The following SLC25A27 variants were observed in gnomAD, a reference collection of about 807,000 sequenced individuals.
SLC25A27 encodes solute carrier family 25 member 27.
Under a neutral mutation model 49.1 loss-of-function variants are expected in SLC25A27, and 35 were observed. The observed-to-expected ratio is 0.71, with a 90% CI of 0.54 to 0.95. The LOEUF is 0.95. SLC25A27 is among the 40% of genes least tolerant of loss of function. SLC25A27 has a pLI of 0.00. For synonymous variants in SLC25A27, 144 were observed against 136.9 expected (o/e 1.05, Z -0.36); for missense variants, 339 against 397.1 (o/e 0.85, Z 1.24).
At chr6:46,673,215 A>G (rs969374052) in intron 8 of SLC25A27, among the ~76,000 whole-genome samples, 2 of 152,240 alleles carry the variant, frequency 1.3e-5, no homozygotes, top group Admixed American at 1.3e-4. Flanking sequence ...ATCACTTGGT[A>G]TATGGCCAAC....
At chr6:46,672,003 A>G (rs1449956541) in intron 8 of SLC25A27, among the ~76,000 whole-genome samples, 1 of 152,162 alleles carries the variant, frequency 6.6e-6, no homozygotes, top group African/African-American at 2.4e-5. Context: ...TTGAGTACCT[A>G]CATCATGCAA....
chr6:46,670,998 G>A lies in SLC25A27; in HGVS notation c.798-128G>A, dbSNP rs1300148735. The A allele has an allele frequency of 3.5e-5, 21 of 600,082 alleles. No homozygotes were observed. In the East Asian group the frequency reaches 7.7e-4, roughly 22 times the overall value. 37.2% of individuals were successfully genotyped at this position (600,082 alleles called of 1,614,324 possible). A position where few individuals can be genotyped will look rare whatever the true frequency, so the allele number is the denominator to read the frequency against. ...GCCTGCCTCGGCCTCCCAAAGTGCT[G>A]GGATTACAGGCGTAAGCCACCGCGC... On this transcript the variant is annotated intron_variant, in intron 7 of 8. Transcript: ENST00000371347.
At chr6:46,666,650 C>T (rs976646369) in intron 5 of SLC25A27, among the ~76,000 whole-genome samples, 5 of 152,134 alleles carry the variant, frequency 3.3e-5, no homozygotes, top group Non-Finnish European at 7.4e-5. Context: ...CAAGTTCCAG[C>T]TATTTACTCA....
At position 46,653,082 on chromosome 6, in the gene SLC25A27, C is replaced by T. The variant is rs1762808750; in HGVS notation, c.-111C>T. 2.0e-6 allele frequency: 2 copies of T among 1,018,306 alleles called. No individual in the cohort carries two copies. Among genetic ancestry groups the T allele is most frequent in the Non-Finnish European group, 3.0e-6 (2 of 674,160 alleles). The allele number at this position is 1,018,306 out of a possible 1,614,324, so 63.1% of individuals were successfully genotyped here. On this transcript the variant is annotated 5_prime_UTR_variant, in exon 1 of 9. Coordinates refer to ENST00000371347, the MANE Select transcript of SLC25A27 (RefSeq NM_004277.5). ...AGCCGAACGAGGGAAATGGTCCTCA[C>T]CCGGCCACTCGCCGGTTGAAAAGGG...
intron 1 of SLC25A27, 126 bp from the exon 2 acceptor site, chr6:46,655,717 C>A: frequency 1.3e-6 from 1 of 771,018 alleles, no homozygotes; most frequent in Non-Finnish European, 2.1e-6. Context: ...ATCTCCCTAG[C>A]TGATTCTGAT....
rs918142147 is a variant in SLC25A27 at position 46,662,509 on chromosome 6, CA to C, written c.506+13del. 3 of 1,612,660 alleles carry C rather than the reference CA, an allele frequency of 1.9e-6. No individual in the cohort carries two copies. The African/African-American group carries it at 4.0e-5, about 22-fold the overall frequency. On this transcript the variant is annotated intron_variant, in intron 4 of 8. Coordinates refer to ENST00000371347, the MANE Select transcript of SLC25A27 (RefSeq NM_004277.5). Reference sequence around the variant, plus strand: ...AGGAAAACCATTGCGGTAAGTTCTCCAATTAACCAATACCTCTCTTTTTCCC... The same window carrying C: ...AGGAAAACCATTGCGGTAAGTTCTCCATTAACCAATACCTCTCTTTTTCCC...
At position 46,652,983 on chromosome 6, in the gene SLC25A27, C is replaced by T; in HGVS notation, c.-210C>T. On this transcript the variant is annotated 5_prime_UTR_variant, in exon 1 of 9. Coordinates refer to ENST00000371347, the MANE Select transcript of SLC25A27 (RefSeq NM_004277.5). ...ACCTCCTGGGCTCCGCTGTGTTTTT[C>T]TATTCTGGGGTGTAAGGGGCAGCTG... The T allele has an allele frequency of 1.7e-6, 1 of 584,770 alleles. No homozygotes were observed. Among genetic ancestry groups the T allele is most frequent in the Non-Finnish European group, 3.0e-6 (1 of 330,006 alleles). The allele number at this position is 584,770 out of a possible 1,614,324, so 36.2% of individuals were successfully genotyped here.
At chr6:46,669,324 G>A (rs1021084861) in intron 6 of SLC25A27, among the ~76,000 whole-genome samples, 1 of 152,196 alleles carries the variant, frequency 6.6e-6, no homozygotes, top group Non-Finnish European at 1.5e-5. Context: ...TTCAAAGGCT[G>A]TGACTCTTCA....
In SLC25A27 at chr6:46,676,930, G is replaced by A; in HGVS notation, c.*476G>A. ...ATGAAGTTTGATAATTCACTTTTCT[G>A]TCATTGTTAAAGCGTACATACTGTA... On this transcript the variant is annotated 3_prime_UTR_variant, in exon 9 of 9. Transcript: ENST00000371347. The A allele has an allele frequency of 2.0e-6, 1 of 498,004 alleles. No homozygotes were observed. The highest frequency in any genetic ancestry group is 3.5e-5 in the Admixed American group (1 of 28,588). 30.8% of individuals were successfully genotyped at this position (498,004 alleles called of 1,614,324 possible). A position where few individuals can be genotyped will look rare whatever the true frequency, so the allele number is the denominator to read the frequency against.
At chr6:46,661,593 C>T (rs905214489) in intron 3 of SLC25A27, among the ~76,000 whole-genome samples, 4 of 152,180 alleles carry the variant, frequency 2.6e-5, no homozygotes, top group African/African-American at 9.6e-5. Context: ...CACAAACTGT[C>T]AGTCATAACT....
At chr6:46,671,044 A>G in intron 7 of SLC25A27, 82 bp from the exon 8 acceptor site, 1 of 1,010,062 alleles carries the variant, frequency 9.9e-7, no homozygotes, top group Non-Finnish European at 1.5e-6. Flanking sequence ...TTTAATTTTT[A>G]TAAGATTCCT....
chr6:46,660,650 AGG>A, intron 3 of SLC25A27, among the ~76,000 whole-genome samples: 1 of 152,182 alleles, frequency 6.6e-6, no homozygotes, highest in Non-Finnish European at 1.5e-5. Flanking sequence ...TGAAAGCATG[AGG>A]TGGGTTTCAT....
intron 8 of SLC25A27, among the ~76,000 whole-genome samples, chr6:46,672,893 G>T (rs1191064517): frequency 6.6e-6 from 1 of 152,148 alleles, no homozygotes; most frequent in Non-Finnish European, 1.5e-5. Context: ...AGGAATAGTA[G>T]GTATTTGTGT....
chr6:46,661,446 T>C (rs1249095607), intron 3 of SLC25A27, among the ~76,000 whole-genome samples: 1 of 152,246 alleles, frequency 6.6e-6, no homozygotes, highest in Non-Finnish European at 1.5e-5. Flanking sequence ...TTAAAAAGAA[T>C]GAGGCTGCTC....
chr6:46,659,580 G>T (rs1213540325), intron 3 of SLC25A27, among the ~76,000 whole-genome samples: 1 of 152,158 alleles, frequency 6.6e-6, no homozygotes. Context: ...CACGCTGGGC[G>T]GGGTGGCTCA....
At chr6:46,666,604 T>G (rs1330055469) in intron 5 of SLC25A27, among the ~76,000 whole-genome samples, 1 of 152,206 alleles carries the variant, frequency 6.6e-6, no homozygotes, top group Admixed American at 6.5e-5. Flanking sequence ...TCTTAATTCA[T>G]TGGTTCAAAA....
chr6:46,653,928 C>G, intron 1 of SLC25A27: 3 of 862,626 alleles, frequency 3.5e-6, no homozygotes, highest in Non-Finnish European at 2.8e-6. Context: ...TTGAAAAGAC[C>G]CAGTTCTGAC....
rs752263331 is a variant in SLC25A27 at position 46,653,151 on chromosome 6, AG to A, written c.-41del. The A allele has an allele frequency of 6.4e-7, 1 of 1,554,748 alleles. No homozygotes were observed. Among genetic ancestry groups the A allele is most frequent in the Non-Finnish European group, 8.8e-7 (1 of 1,131,150 alleles). ...CGGCCGCCGCGGCGCGGTGCAGCGC[AG>A]CGGCGAGAAGGAGTGCGTTATCGTC... On this transcript the variant is annotated 5_prime_UTR_variant, in exon 1 of 9. Transcript: ENST00000371347.
chr6:46,664,274 A>C (rs1763255150), intron 4 of SLC25A27, among the ~76,000 whole-genome samples: 1 of 152,236 alleles, frequency 6.6e-6, no homozygotes, highest in African/African-American at 2.4e-5. Context: ...ATTTTTTTGA[A>C]GCTAAAATTC....
Sources: gnomAD v4.1 joint callset for allele counts (sites outside exome capture counted in the v4.1 genomes callset) on GRCh38, gnomAD v4.1.1 for gene constraint, MANE v1.5 for transcripts, NCBI Gene and HGNC (gene_info 2026-07-23, HGNC 2026-07-21) for gene names.